PRMT8: variants seen among roughly 807,000 people sequenced by gnomAD.
The protein encoded by PRMT8 is protein arginine methyltransferase 8, also known as protein arginine N-methyltransferase 8.
Under a neutral mutation model 47.1 loss-of-function variants are expected in PRMT8, and 7 were observed. The ratio of observed to expected loss-of-function variants is 0.15; its 90% CI spans 0.08 to 0.28. PRMT8 has a LOEUF of 0.28. Among genes scored for constraint, PRMT8 ranks in the 10% least tolerant of loss-of-function variants. The probability of loss-of-function intolerance (pLI) is 1.00; values close to 1 mark genes in which losing one functional copy is unlikely to be tolerated. For synonymous variants in PRMT8, 188 were observed against 186.5 expected (o/e 1.01, Z -0.07); for missense variants, 237 against 505.4 (o/e 0.47, Z 5.09).
At chr12:3,531,642 G>T (rs1194298353) in intron 1 of PRMT8, among the ~76,000 whole-genome samples, 4 of 152,328 alleles carry the variant, frequency 2.6e-5, no homozygotes. Flanking sequence ...GCTGGCAGGA[G>T]GCGCCTGTGC....
chr12:3,473,260 A>G (rs994605485), intron 1 of PRMT8, among the ~76,000 whole-genome samples: 8 of 151,914 alleles, frequency 5.3e-5, no homozygotes, highest in African/African-American at 1.9e-4. Context: ...TTGGGCTGAA[A>G]TCCCTGCTGA....
intron 1 of PRMT8, among the ~76,000 whole-genome samples, chr12:3,437,094 C>T (rs1425984498): frequency 1.3e-5 from 2 of 152,212 alleles, no homozygotes; most frequent in Non-Finnish European, 2.9e-5. Flanking sequence ...ACCCCTTCAA[C>T]CCCACCCTCC....
At chr12:3,584,645 A>T (rs149099482) in intron 8 of PRMT8, among the ~76,000 whole-genome samples, 1 of 152,256 alleles carries the variant, frequency 6.6e-6, no homozygotes, top group Non-Finnish European at 1.5e-5. Flanking sequence ...CCCACTCTTC[A>T]GAGGCAAATA....
chr12:3,518,487 C>T (rs1265852341), intron 1 of PRMT8, among the ~76,000 whole-genome samples: 1 of 151,444 alleles, frequency 6.6e-6, no homozygotes, highest in Non-Finnish European at 1.5e-5. Context: ...AATTTTTGTA[C>T]CTGGGCTAAG....
At chr12:3,490,326 AAAG>A (rs1205624228), upstream of PRMT8, among the ~76,000 whole-genome samples, 1 of 152,128 alleles carries the variant, frequency 6.6e-6, no homozygotes, top group Non-Finnish European at 1.5e-5. Flanking sequence ...AAACAGAGAA[AAAG>A]AAGCTCTCAA....
intron 1 of PRMT8, among the ~76,000 whole-genome samples, chr12:3,486,106 C>A (rs1245906259): frequency 6.6e-6 from 1 of 152,134 alleles, no homozygotes; most frequent in Non-Finnish European, 1.5e-5. Flanking sequence ...AACTTCTCAT[C>A]TGTAAAAGTT....
At chr12:3,414,729 T>C (rs1864467321) in intron 1 of PRMT8, among the ~76,000 whole-genome samples, 1 of 151,768 alleles carries the variant, frequency 6.6e-6, no homozygotes, top group Admixed American at 6.6e-5. Flanking sequence ...GATGGGGAGT[T>C]GGAAAGGGGA....
chr12:3,432,926 A>T (rs1864698459), intron 1 of PRMT8, among the ~76,000 whole-genome samples: 1 of 152,174 alleles, frequency 6.6e-6, no homozygotes, highest in African/African-American at 2.4e-5. Flanking sequence ...CCCAGAAGAA[A>T]TGGCCATTCT....
At chr12:3,451,631 T>G (rs368333116) in intron 1 of PRMT8, among the ~76,000 whole-genome samples, 1 of 152,344 alleles carries the variant, frequency 6.6e-6, no homozygotes, top group African/African-American at 2.4e-5. Context: ...AGCTGTGCTT[T>G]CGTGCTCCAA....
chr12:3,536,434 G>T lies in PRMT8; in HGVS notation c.76-4172G>T, dbSNP rs571358086. On this transcript the variant is annotated intron_variant, in intron 1 of 9. Transcript: ENST00000382622. ...CACTTCATAAGCTGGCTGTTGGGGA[G>T]AGTCTCAGGGAGCCCCATGGAAAAG... Among the ~76,000 whole-genome samples the T allele has an allele frequency of 5.9e-5, 9 of 152,340 alleles. No individual in the cohort carries two copies. In the East Asian group the frequency reaches 1.7e-3, roughly 29 times the overall value.
rs1866832908 is a variant in PRMT8 at position 3,570,885 on chromosome 12, C to G, written c.712+1321C>G. 6.6e-6 allele frequency among the ~76,000 whole-genome samples: 1 copy of G among 152,092 alleles called. No homozygotes were observed. The highest frequency in any genetic ancestry group is 2.4e-5 in the African/African-American group (1 of 41,420). On this transcript the variant is annotated intron_variant, in intron 6 of 9. Coordinates refer to ENST00000382622, the MANE Select transcript of PRMT8 (RefSeq NM_019854.5). This position sits in a 1 kb window ranked among gnomAD's most constrained non-coding sequence, Gnocchi z 5.5. ...TATTTGACCTCCTGGGGGAAGGAGGCAAAATACCAAATGAGGACAGTGAGA... is the reference window on the plus strand; with the variant it reads ...TATTTGACCTCCTGGGGGAAGGAGGGAAAATACCAAATGAGGACAGTGAGA...
upstream of PRMT8, among the ~76,000 whole-genome samples, chr12:3,488,022 C>T (rs1002414135): frequency 6.6e-6 from 1 of 152,206 alleles, no homozygotes; most frequent in Admixed American, 6.5e-5. Flanking sequence ...GTCTTGCTCC[C>T]TGAACCTGGT....
chr12:3,468,229 A>G (rs1865123186), intron 1 of PRMT8, among the ~76,000 whole-genome samples: 1 of 152,130 alleles, frequency 6.6e-6, no homozygotes, highest in Admixed American at 6.5e-5. Context: ...CACTACTGTG[A>G]TCGTGTTTCC....
Position 3,460,672 on chromosome 12 carries a change from G to A in PRMT8, c.48+79230G>A, listed in dbSNP as rs1030155109. Among the ~76,000 whole-genome samples the A allele has an allele frequency of 2.6e-5, 4 of 152,140 alleles. No homozygotes were observed. The East Asian group carries it at 5.8e-4, about 22-fold the overall frequency. The stretch of plus-strand genomic sequence containing the variant: ...ATATTATATCCCCATTTTACAGAGC[G>A]AGGAAATTAAGGTTAAGTAATTTGC... On this transcript the variant is annotated intron_variant, in intron 1 of 9. Transcript: ENST00000452611.
At chr12:3,482,941 G>C (rs911514137) in intron 1 of PRMT8, among the ~76,000 whole-genome samples, 6 of 152,176 alleles carry the variant, frequency 3.9e-5, no homozygotes, top group South Asian at 2.1e-4. Context: ...TCAGTTAACT[G>C]TCAGAGCCTG....
intron 4 of PRMT8, among the ~76,000 whole-genome samples, chr12:3,565,737 A>T (rs1866708878): frequency 6.6e-6 from 1 of 152,188 alleles, no homozygotes; most frequent in African/African-American, 2.4e-5. Context: ...ATCCATATTG[A>T]TGAGGTTACA....
intron 1 of PRMT8, among the ~76,000 whole-genome samples, chr12:3,537,121 T>A (rs1376265577): frequency 2.6e-5 from 4 of 152,252 alleles, no homozygotes; most frequent in Non-Finnish European, 5.9e-5. Flanking sequence ...CCTATTTTCA[T>A]TCCCACTAGA....
intron 1 of PRMT8, among the ~76,000 whole-genome samples, chr12:3,416,094 C>A (rs1261462896): frequency 6.6e-6 from 1 of 152,178 alleles, no homozygotes. Context: ...TGACGCCTTT[C>A]TAGCATAGCA....
chr12:3,481,043 A>G (rs1225952176), intron 1 of PRMT8, among the ~76,000 whole-genome samples: 3 of 152,210 alleles, frequency 2.0e-5, no homozygotes, highest in Non-Finnish European at 4.4e-5. Context: ...ACTGATTTGA[A>G]GGTGGGTCCA....
Sources: allele counts gnomAD v4.1 joint callset (sites outside exome capture counted in the v4.1 genomes callset), GRCh38; gene constraint gnomAD v4.1.1; non-coding constraint Gnocchi (gnomAD v3.1); transcripts MANE v1.5; gene names NCBI Gene and HGNC (gene_info 2026-07-23, HGNC 2026-07-21).